ZMYM4: variants seen among roughly 807,000 people sequenced by gnomAD.
ZMYM4 encodes the protein zinc finger MYM-type protein 4.
ZMYM4 carries 31 observed loss-of-function variants against 183.2 expected under a neutral mutation model. The observed-to-expected ratio is 0.17, with a 90% CI of 0.13 to 0.23. The LOEUF is 0.23. Ranked by LOEUF, ZMYM4 falls within the 10% of genes least tolerant of loss-of-function variation. The pLI is 1.00. For synonymous variants in ZMYM4, 592 were observed against 631.2 expected (o/e 0.94, Z 0.93); for missense variants, 1,273 against 1,840.3 (o/e 0.69, Z 5.64).
Position 35,408,132 on chromosome 1 carries a change from C to G in ZMYM4, c.3921C>G (p.Ile1307Met), listed in dbSNP as rs140815981. Residue 1307 changes from isoleucine to methionine, a missense_variant, in exon 26 of 30, where the codon ATC becomes ATG. Ile to Met is a conservative substitution (Grantham distance 10). Transcript: ENST00000314607. ...PNGEKYDPDS[I>M]LYLCLGIQQY... The stretch of plus-strand genomic sequence containing the variant: ...GTGAAAAATATGATCCAGACAGTAT[C>G]TTATACTTGTGCCTTGGAATTCAAC... 1 of 1,614,060 alleles carries G rather than the reference C, an allele frequency of 6.2e-7. No homozygotes were observed. Among genetic ancestry groups the G allele is most frequent in the Non-Finnish European group, 8.5e-7 (1 of 1,180,036 alleles).
At chr1:35,279,092 G>T (rs1434847300) in intron 1 of ZMYM4, among the ~76,000 whole-genome samples, 1 of 152,162 alleles carries the variant, frequency 6.6e-6, no homozygotes, top group Non-Finnish European at 1.5e-5. Context: ...GGCTCTGTCT[G>T]CAGCTGGTGT....
chr1:35,385,402 G>T, intron 9 of ZMYM4, 40 bp from the exon 10 acceptor site: 1 of 1,573,926 alleles, frequency 6.4e-7, no homozygotes, highest in South Asian at 1.2e-5. Flanking sequence ...CTTTTACTAG[G>T]AATTTGTTAA....
At chr1:35,288,763 A>C (rs1640622753) in intron 1 of ZMYM4, among the ~76,000 whole-genome samples, 1 of 152,210 alleles carries the variant, frequency 6.6e-6, no homozygotes, top group Non-Finnish European at 1.5e-5. Flanking sequence ...TGAAACTCAG[A>C]AGCAGGTTGA....
chr1:35,397,139 A>G, intron 19 of ZMYM4: 1 of 1,107,182 alleles, frequency 9.0e-7, no homozygotes, highest in African/African-American at 1.6e-5. Context: ...TGTATTATAG[A>G]ATTATTCTTT....
intron 3 of ZMYM4, among the ~76,000 whole-genome samples, 157 bp from the exon 4 acceptor site, chr1:35,361,037 A>G (rs557120879): frequency 9.9e-5 from 15 of 152,052 alleles, no homozygotes; most frequent in Middle Eastern, 3.4e-3. Flanking sequence ...CTTTGAGTGA[A>G]AATACCTTTT....
chr1:35,345,928 A>C (rs79647593), intron 2 of ZMYM4, among the ~76,000 whole-genome samples: 2,538 of 152,238 alleles, frequency 0.017, 64 homozygotes, highest in African/African-American at 0.057. Context: ...TGTACACCCA[A>C]TTTCCCAACT....
intron 7 of ZMYM4, among the ~76,000 whole-genome samples, chr1:35,378,521 A>G (rs112313020): frequency 1.3e-5 from 2 of 152,208 alleles, no homozygotes; most frequent in South Asian, 2.1e-4. Flanking sequence ...CCTCTTGTAC[A>G]TCTCCATCAG....
At chr1:35,376,903 T>C (rs1271137233) in intron 7 of ZMYM4, among the ~76,000 whole-genome samples, 1 of 152,108 alleles carries the variant, frequency 6.6e-6, no homozygotes, top group East Asian at 1.9e-4. Flanking sequence ...CTGAGCTCCT[T>C]AAGTACATAC....
At chr1:35,361,052 GT>G (rs1391381584) in intron 3 of ZMYM4, 141 bp from the exon 4 acceptor site, 9 of 612,546 alleles carry the variant, frequency 1.5e-5, no homozygotes, top group South Asian at 7.2e-5. Context: ...CCTTTTGGGT[GT>G]TTTTGGGACC....
rs1160646734 is a variant in ZMYM4 at position 35,370,080 on chromosome 1, A to G, written c.892A>G (p.Ser298Gly). 5 of 1,613,376 alleles carry G rather than the reference A, an allele frequency of 3.1e-6. No individual in the cohort carries two copies. In the African/African-American group the frequency reaches 4.0e-5, roughly 13 times the overall value. Residue 298 changes from serine (S) to glycine (G), a missense_variant, in exon 6 of 30, where the codon AGT becomes GGT. Transcript: ENST00000314607. Reference protein sequence around the residue: ...QKTQEGELKISAVFSVSGSPL... With the variant: ...QKTQEGELKIGAVFSVSGSPL... ...AACTCAAGAGGGGGAACTGAAAATT[A>G]GTGCTGTGTTTTCAGTCAGTGGCAG...
intron 7 of ZMYM4, among the ~76,000 whole-genome samples, chr1:35,376,969 C>A (rs535563491): frequency 6.7e-6 from 1 of 149,384 alleles, no homozygotes; most frequent in East Asian, 2.0e-4. Context: ...TACAGTGGTG[C>A]GATCTGGGCT....
chr1:35,378,061 ATTAC>A (rs1443863112), intron 7 of ZMYM4, among the ~76,000 whole-genome samples: 1 of 152,172 alleles, frequency 6.6e-6, no homozygotes, highest in Non-Finnish European at 1.5e-5. Flanking sequence ...ATGACAAGAA[ATTAC>A]TTTCCTTGCT....
chr1:35,327,092 C>T (rs2009750), intron 2 of ZMYM4, among the ~76,000 whole-genome samples: 14,383 of 152,166 alleles, frequency 0.095, 1,843 homozygotes, highest in African/African-American at 0.29. Flanking sequence ...AACTCCTGAC[C>T]TCAAGTGATC....
chr1:35,414,174 AT>A, intron 27 of ZMYM4, 91 bp downstream of exon 27: 1 of 787,336 alleles, frequency 1.3e-6, no homozygotes, highest in Non-Finnish European at 2.1e-6. Flanking sequence ...GTTCATTTTT[AT>A]TTCTGTCCAG....
intron 2 of ZMYM4, 31 bp from the exon 3 acceptor site, chr1:35,358,894 C>G (rs1570431810): frequency 1.3e-6 from 2 of 1,576,564 alleles, no homozygotes; most frequent in East Asian, 2.2e-5. Flanking sequence ...TTAGCACTAT[C>G]ATTTGTCTAA....
At chr1:35,272,505 C>T (rs2148663562) in intron 1 of ZMYM4, among the ~76,000 whole-genome samples, 1 of 152,302 alleles carries the variant, frequency 6.6e-6, no homozygotes, top group African/African-American at 2.4e-5. Context: ...ACTCAAAAGA[C>T]TTGCTGACTT....
At chr1:35,316,276 C>G (rs1289435597) in intron 1 of ZMYM4, among the ~76,000 whole-genome samples, 1 of 152,162 alleles carries the variant, frequency 6.6e-6, no homozygotes, top group Non-Finnish European at 1.5e-5. Context: ...AGTAGTCCTT[C>G]TCAAGACCTA....
intron 2 of ZMYM4, among the ~76,000 whole-genome samples, chr1:35,356,530 A>G (rs1199273017): frequency 6.6e-6 from 1 of 152,158 alleles, no homozygotes; most frequent in Non-Finnish European, 1.5e-5. Context: ...TATTGCCTCT[A>G]CGTTTATTAG....
intron 18 of ZMYM4, 92 bp downstream of exon 18, chr1:35,393,831 A>T (rs1014007404): frequency 1.4e-6 from 2 of 1,397,366 alleles, no homozygotes; most frequent in African/African-American, 2.9e-5. Flanking sequence ...TTCCTAGGTG[A>T]TGTGTTTGGT....
Sources: allele counts gnomAD v4.1 joint callset (sites outside exome capture counted in the v4.1 genomes callset), GRCh38; gene constraint gnomAD v4.1.1; transcripts MANE v1.5; gene names NCBI Gene and HGNC (gene_info 2026-07-23, HGNC 2026-07-21).